ARHGAP26: variants seen among roughly 807,000 people sequenced by gnomAD.
ARHGAP26 encodes Rho GTPase activating protein 26.
In ARHGAP26, 38 loss-of-function variants were observed where a neutral mutation model predicts 104.8. The observed-to-expected ratio is 0.36, with a 90% confidence interval of 0.28 to 0.48. ARHGAP26 has a LOEUF of 0.48. Among genes scored for constraint, ARHGAP26 ranks in the 20% least tolerant of loss-of-function variants. The pLI is 0.99. For missense variants in ARHGAP26, 704 were observed against 947.9 expected, an observed-to-expected ratio of 0.74 and a Z score of 3.38; for synonymous variants, 341 against 340.0, an observed-to-expected ratio of 1.00 and a Z score of -0.03.
chr5:143,052,486 A>G (rs182473530), intron 14 of ARHGAP26, among the ~76,000 whole-genome samples: 7 of 152,186 alleles, frequency 4.6e-5, no homozygotes, highest in Admixed American at 1.3e-4. Flanking sequence ...AAAAGAAAAA[A>G]AAATTATGCT....
intron 12 of ARHGAP26, among the ~76,000 whole-genome samples, chr5:143,020,538 CAGA>C (rs1780171170): frequency 6.6e-6 from 1 of 151,904 alleles, no homozygotes; most frequent in Admixed American, 6.6e-5. Flanking sequence ...CTCTCCTCCC[CAGA>C]AGAAGAAAAA....
chr5:142,910,932 A>C (rs899798210), intron 9 of ARHGAP26, among the ~76,000 whole-genome samples: 52 of 152,286 alleles, frequency 3.4e-4, no homozygotes, highest in Admixed American at 3.1e-3. Flanking sequence ...AGATAACATA[A>C]ATATCTTTTA....
intron 11 of ARHGAP26, among the ~76,000 whole-genome samples, chr5:142,957,298 G>A (rs949256875): frequency 6.6e-6 from 1 of 152,172 alleles, no homozygotes; most frequent in Non-Finnish European, 1.5e-5. Context: ...AGAAAAAATT[G>A]TATCTCTCAT....
At chr5:143,029,837 T>A (rs1054649919) in intron 12 of ARHGAP26, among the ~76,000 whole-genome samples, 1 of 152,158 alleles carries the variant, frequency 6.6e-6, no homozygotes, top group Non-Finnish European at 1.5e-5. Context: ...GGGGAAAAAA[T>A]TCAGACTAGG....
At chr5:142,897,512 C>T (rs1401839994) in intron 6 of ARHGAP26, among the ~76,000 whole-genome samples, 1 of 152,186 alleles carries the variant, frequency 6.6e-6, no homozygotes, top group Admixed American at 6.5e-5. Context: ...CAGTGTTAGA[C>T]ATGCACATTC....
In ARHGAP26 at chr5:143,224,159, T is replaced by C. The variant is rs185245244; in HGVS notation, c.*1713T>C. 6.9e-4 allele frequency: 160 copies of C among 230,226 alleles called. 1 individual carries two copies. Among genetic ancestry groups the C allele is most frequent in the Middle Eastern group, 5.2e-3 (4 of 776 alleles). 14.3% of individuals were successfully genotyped at this position (230,226 alleles called of 1,614,324 possible). A position where few individuals can be genotyped will look rare whatever the true frequency, so the allele number is the denominator to read the frequency against. ...GTAAATAGAGTGATTTGAAATACTA[T>C]ATGGCAAAGTTTTATATTTGATATT... On this transcript the variant is annotated 3_prime_UTR_variant, in exon 23 of 23. Transcript: ENST00000645722.
chr5:142,890,339 G>C (rs111995762), intron 5 of ARHGAP26, among the ~76,000 whole-genome samples: 1 of 151,018 alleles, frequency 6.6e-6, no homozygotes, highest in Non-Finnish European at 1.5e-5. Context: ...CAGGTGAAAA[G>C]GTTGTGGGAA....
chr5:143,133,546 G>A (rs774695798), intron 18 of ARHGAP26, among the ~76,000 whole-genome samples: 41 of 152,182 alleles, frequency 2.7e-4, no homozygotes, highest in Non-Finnish European at 5.0e-4. Context: ...AAGTTGTGAA[G>A]TAATTGTTAA....
chr5:142,874,623 G>A (rs921364652), intron 2 of ARHGAP26, among the ~76,000 whole-genome samples: 60 of 152,200 alleles, frequency 3.9e-4, no homozygotes, highest in African/African-American at 1.4e-3. Context: ...CTATTAATGA[G>A]TGGCTTGAGG....
At chr5:143,210,077 T>G (rs1562617060) in intron 21 of ARHGAP26, among the ~76,000 whole-genome samples, 1 of 152,160 alleles carries the variant, frequency 6.6e-6, no homozygotes, top group Non-Finnish European at 1.5e-5. Flanking sequence ...GAATGATGTC[T>G]CCTCTGGAAA....
chr5:143,217,593 A>G (rs1201512075), intron 22 of ARHGAP26, among the ~76,000 whole-genome samples: 1 of 152,198 alleles, frequency 6.6e-6, no homozygotes, highest in Non-Finnish European at 1.5e-5. Flanking sequence ...ACACAGCACC[A>G]CTACACAGCA....
At chr5:142,996,038 C>T (rs912142462) in intron 11 of ARHGAP26, among the ~76,000 whole-genome samples, 2 of 151,932 alleles carry the variant, frequency 1.3e-5, no homozygotes, top group African/African-American at 2.4e-5. Context: ...CCGGGGCCTA[C>T]TGGGGGGTGG....
At chr5:142,829,368 A>G (rs1316512440) in intron 1 of ARHGAP26, among the ~76,000 whole-genome samples, 7 of 152,224 alleles carry the variant, frequency 4.6e-5, no homozygotes, top group Non-Finnish European at 1.5e-5. Context: ...ACTTTTGTCA[A>G]TAGGAATGAA....
Position 143,037,178 on chromosome 5 carries a change from C to A in ARHGAP26, c.1145-18C>A. 6.3e-7 allele frequency: 1 copy of A among 1,591,544 alleles called. No individual in the cohort carries two copies. The highest frequency in any genetic ancestry group is 8.6e-7 in the Non-Finnish European group (1 of 1,162,842). On this transcript the variant is annotated intron_variant, in intron 12 of 22. Transcript: ENST00000645722. ...TTCCATGGCTAGCAACTTGACTGTCCTTCTCTTGCTCTTTCAGCTGCGCAG... is the reference window on the plus strand; with the variant it reads ...TTCCATGGCTAGCAACTTGACTGTCATTCTCTTGCTCTTTCAGCTGCGCAG...
chr5:143,179,318 A>G (rs563393627), intron 20 of ARHGAP26, among the ~76,000 whole-genome samples: 23 of 152,288 alleles, frequency 1.5e-4, no homozygotes, highest in African/African-American at 5.3e-4. Context: ...AGCACTTACT[A>G]AATACTTGTT....
intron 1 of ARHGAP26, among the ~76,000 whole-genome samples, chr5:142,811,347 G>A (rs1052773377): frequency 7.2e-5 from 11 of 152,182 alleles, no homozygotes; most frequent in African/African-American, 2.7e-4. Flanking sequence ...GGTCAACCAA[G>A]CTGTCCACAT....
intron 1 of ARHGAP26, 87 bp downstream of exon 1, chr5:142,771,002 C>T (rs2151781825): frequency 4.7e-6 from 7 of 1,484,770 alleles, no homozygotes; most frequent in African/African-American, 1.4e-5. Context: ...CGCGCGTCTG[C>T]CGGGTTTCTG....
intron 13 of ARHGAP26, among the ~76,000 whole-genome samples, chr5:143,040,426 A>G (rs1783288209): frequency 6.6e-6 from 1 of 152,084 alleles, no homozygotes. Context: ...GCCCCCAAGT[A>G]TTTTATACTG....
intron 12 of ARHGAP26, among the ~76,000 whole-genome samples, chr5:143,018,772 C>A (rs9324900): frequency 0.13 from 19,829 of 152,066 alleles, 2,796 homozygotes; most frequent in African/African-American, 0.35. Flanking sequence ...ATATAAGTCT[C>A]CTCTATTTAT....
Sources: allele counts gnomAD v4.1 joint callset (sites outside exome capture counted in the v4.1 genomes callset), GRCh38; gene constraint gnomAD v4.1.1; transcripts MANE v1.5; gene names NCBI Gene and HGNC (gene_info 2026-07-23, HGNC 2026-07-21).